The following DCDC2 variants were observed in gnomAD, a reference collection of about 807,000 sequenced individuals.
DCDC2 encodes the protein doublecortin domain-containing protein 2.
In DCDC2, 40 loss-of-function variants were observed where a neutral mutation model predicts 50.2. That is an observed-to-expected ratio of 0.80 (90% confidence interval 0.62 to 1.04). The LOEUF is 1.04. Ranked by LOEUF, DCDC2 falls within the 50% of genes least tolerant of loss-of-function variation. The probability of loss-of-function intolerance (pLI) is 0.00; values close to 1 mark genes in which losing one functional copy is unlikely to be tolerated. For missense variants in DCDC2, 570 were observed against 581.9 expected (o/e 0.98, Z 0.21); for synonymous variants, 234 against 210.6 (o/e 1.11, Z -0.96).
At chr6:24,265,728 T>C (rs534616907) in intron 7 of DCDC2, among the ~76,000 whole-genome samples, 18 of 151,320 alleles carry the variant, frequency 1.2e-4, no homozygotes, top group African/African-American at 4.1e-4. Context: ...AATGGAAACA[T>C]GACATAAAAT....
At chr6:24,331,579 T>C (rs1424519259) in intron 2 of DCDC2, among the ~76,000 whole-genome samples, 2 of 152,160 alleles carry the variant, frequency 1.3e-5, no homozygotes, top group Non-Finnish European at 2.9e-5. Flanking sequence ...CTTTATTATA[T>C]CTAAATAGAT....
chr6:24,207,957 A>C (rs996452674), intron 7 of DCDC2, among the ~76,000 whole-genome samples: 9 of 152,128 alleles, frequency 5.9e-5, no homozygotes, highest in Non-Finnish European at 7.4e-5. Flanking sequence ...CTTCATTTTA[A>C]AGGAAATCTA....
chr6:24,263,504 T>C (rs1320756472), intron 7 of DCDC2, among the ~76,000 whole-genome samples: 1 of 152,142 alleles, frequency 6.6e-6, no homozygotes, highest in African/African-American at 2.4e-5. Context: ...GAGGAGGAAG[T>C]CAGAATCCTA....
At chr6:24,309,260 G>A (rs1341121753) in intron 2 of DCDC2, among the ~76,000 whole-genome samples, 2 of 151,566 alleles carry the variant, frequency 1.3e-5, no homozygotes, top group African/African-American at 2.4e-5. Flanking sequence ...AGGAGGCAGA[G>A]GTTGCAGTGA....
At chr6:24,309,473 G>C (rs1010567535) in intron 2 of DCDC2, among the ~76,000 whole-genome samples, 3 of 152,108 alleles carry the variant, frequency 2.0e-5, no homozygotes, top group African/African-American at 7.2e-5. Context: ...CTGTTGTACA[G>C]AACTGGCATA....
chr6:24,216,414 A>T (rs1761977889), intron 7 of DCDC2, among the ~76,000 whole-genome samples: 1 of 152,206 alleles, frequency 6.6e-6, no homozygotes, highest in Non-Finnish European at 1.5e-5. Context: ...GTGTCCCGCC[A>T]TTTGGGGATC....
chr6:24,217,493 T>C (rs545315322), intron 7 of DCDC2, among the ~76,000 whole-genome samples: 1 of 152,326 alleles, frequency 6.6e-6, no homozygotes, highest in Admixed American at 6.5e-5. Context: ...AGTGATTCTG[T>C]AAACTGTGGT....
At chr6:24,347,269 G>A (rs1035649746) in intron 2 of DCDC2, among the ~76,000 whole-genome samples, 3 of 152,158 alleles carry the variant, frequency 2.0e-5, no homozygotes, top group African/African-American at 4.8e-5. Flanking sequence ...AACATTGGTA[G>A]AGTTAAAAAT....
At chr6:24,324,866 G>C (rs899378699) in intron 2 of DCDC2, among the ~76,000 whole-genome samples, 3 of 149,948 alleles carry the variant, frequency 2.0e-5, no homozygotes, top group Admixed American at 6.6e-5. Context: ...ATGGCTGACA[G>C]AGCAAGAGCT....
chr6:24,178,214 C>A (rs941074167), intron 9 of DCDC2, 116 bp downstream of exon 9: 86 of 1,038,860 alleles, frequency 8.3e-5, no homozygotes, highest in Non-Finnish European at 1.1e-4. Context: ...CTTTCCTACT[C>A]AACCACAAGT....
intron 2 of DCDC2, among the ~76,000 whole-genome samples, chr6:24,338,836 G>A (rs1285003108): frequency 3.3e-5 from 5 of 152,014 alleles, no homozygotes. Flanking sequence ...AGTAGAGGGG[G>A]TTTCACCATG....
chr6:24,248,709 T>C (rs1762737593), intron 7 of DCDC2, among the ~76,000 whole-genome samples: 1 of 152,184 alleles, frequency 6.6e-6, no homozygotes, highest in Non-Finnish European at 1.5e-5. Context: ...TGTTAATTGA[T>C]GACTTACCCA....
At chr6:24,362,312 G>GTTTATACAATTATTTTTTATTTAA (rs1561790859), upstream of DCDC2, among the ~76,000 whole-genome samples, 18 of 141,710 alleles carry the variant, frequency 1.3e-4, no homozygotes, top group African/African-American at 3.9e-4. Context: ...TTAATTGTAT[G>GTTTATACAATTATTTTTTATTTAA]TTGATACAAT....
intron 8 of DCDC2, among the ~76,000 whole-genome samples, chr6:24,200,468 T>C (rs920009532): frequency 6.6e-6 from 1 of 152,176 alleles, no homozygotes; most frequent in African/African-American, 2.4e-5. Context: ...TGAGAGACTT[T>C]TGTCACCACC....
chr6:24,375,358 G>C, the DCDC2 span, among the ~76,000 whole-genome samples: 6 of 152,050 alleles, frequency 3.9e-5, no homozygotes, highest in African/African-American at 1.4e-4. Context: ...TGCTCAGGAT[G>C]GGCCCCAGTG....
rs78120860 is a variant in DCDC2, at chr6:24,250,717, T to C, written c.922+27332A>G. Among the ~76,000 whole-genome samples the C allele has an allele frequency of 3.0e-4, 45 of 151,910 alleles. No individual in the cohort carries two copies. In the East Asian group the frequency reaches 8.7e-3, roughly 29 times the overall value. On this transcript the variant is annotated intron_variant, in intron 7 of 9. Transcript: ENST00000378454. ...AAGTGTCATTTTCCAACTTATATCC[T>C]AATCCTTACACCTACCCTATTAATT...
chr6:24,337,056 T>A (rs1238441105), intron 2 of DCDC2, among the ~76,000 whole-genome samples: 2 of 152,218 alleles, frequency 1.3e-5, no homozygotes, highest in Non-Finnish European at 2.9e-5. Flanking sequence ...TCCCCTATTA[T>A]CTTCCTCCCA....
intron 8 of DCDC2, among the ~76,000 whole-genome samples, chr6:24,184,583 T>TTA (rs1561881528): frequency 6.7e-6 from 1 of 148,586 alleles, no homozygotes; most frequent in African/African-American, 2.5e-5. Context: ...AAAATAAAAA[T>TTA]AAAAAAAAAA....
chr6:24,200,045 A>T (rs1682666210), intron 8 of DCDC2, among the ~76,000 whole-genome samples: 1 of 152,188 alleles, frequency 6.6e-6, no homozygotes, highest in South Asian at 2.1e-4. Context: ...TGGAGTCCCT[A>T]AAAGTGATAG....
Sources: allele counts gnomAD v4.1 joint callset (sites outside exome capture counted in the v4.1 genomes callset), GRCh38; gene constraint gnomAD v4.1.1; transcripts MANE v1.5; gene names NCBI Gene and HGNC (gene_info 2026-07-23, HGNC 2026-07-21).